SOHLH1: variants seen among roughly 807,000 people sequenced by gnomAD.
SOHLH1 encodes spermatogenesis- and oogenesis-specific basic helix-loop-helix-containing protein 1.
A neutral mutation model predicts 36.2 loss-of-function variants in SOHLH1; 23 were observed. That is an observed-to-expected ratio of 0.64 (90% CI 0.46 to 0.90). The LOEUF (loss-of-function observed/expected upper bound fraction) is 0.90, where lower values mean the gene tolerates loss of function less well. Ranked by LOEUF, SOHLH1 falls within the 40% of genes least tolerant of loss-of-function variation. The pLI is 0.00. For missense variants in SOHLH1, 608 were observed against 517.0 expected, an observed-to-expected ratio of 1.18 and a Z score of -1.71; for synonymous variants, 289 against 228.3, an observed-to-expected ratio of 1.27 and a Z score of -2.40.
intron 3 of SOHLH1, 136 bp from the exon 4 acceptor site, chr9:135,697,763 A>C: frequency 9.3e-7 from 1 of 1,071,154 alleles, no homozygotes; most frequent in Non-Finnish European, 1.4e-6. Flanking sequence ...TGGGGGCGAG[A>C]GTACAGGTTG....
At chr9:135,694,091 A>C (rs992242212) in intron 7 of SOHLH1, 41 of 1,428,132 alleles carry the variant, frequency 2.9e-5, no homozygotes, top group Non-Finnish European at 3.7e-5. Context: ...GCCGGCCAGC[A>C]CGGGCTGGAC....
intron 4 of SOHLH1, 64 bp downstream of exon 4, chr9:135,697,442 G>A (rs1473330361): frequency 1.3e-5 from 21 of 1,585,110 alleles, no homozygotes; most frequent in Admixed American, 1.2e-4. Context: ...CATGCCAGGG[G>A]GCTTTGGGTC....
Position 135,699,102 on chromosome 9 carries a change from GGA to G in SOHLH1, c.88_89del (p.Ser30LeufsTer44). The G allele has an allele frequency of 5.6e-6, 9 of 1,607,286 alleles. No individual in the cohort carries two copies. Among genetic ancestry groups the G allele is most frequent in the Non-Finnish European group, 7.6e-6 (9 of 1,178,796 alleles). The stretch of plus-strand genomic sequence containing the variant: ...AGCCCCGGGCCGAGTCCTCGCAGCA[GGA>G]GAGGGCACCAGACAGGGAGCCGCTG... Reference protein sequence around the residue: ...GCNGSLSGALSCCEDSARGSG... With the variant: ...GCNGSLSGALXCCEDSARGSG... On this transcript the variant is annotated frameshift_variant, in exon 2 of 8. Coordinates refer to ENST00000425225, the MANE Select transcript of SOHLH1 (RefSeq NM_001101677.2). LOFTEE classifies it high-confidence loss of function.
Position 135,693,643 on chromosome 9 carries a change from A to G in SOHLH1, c.1118T>C (p.Leu373Pro). The change falls in exon 8 of 8, where the codon CTG (leucine) becomes CCG (proline). Residue 373 changes from leucine (L) to proline (P), a missense_variant. Coordinates refer to ENST00000425225, the MANE Select transcript of SOHLH1 (RefSeq NM_001101677.2). ...GAAGATGCTCTCCACCTCGTCCTTC[A>G]GGGCCAGGCCTGCACAGTCCACATC... ...GLDVDCAGLALKDEVESIFPD... is the reference protein window; with the variant it reads ...GLDVDCAGLAPKDEVESIFPD... 6.3e-7 allele frequency: 1 copy of G among 1,587,280 alleles called. No individual in the cohort carries two copies. The highest frequency in any genetic ancestry group is 8.6e-7 in the Non-Finnish European group (1 of 1,167,170).
chr9:135,694,054 C>T (rs963841310), intron 7 of SOHLH1: 11 of 1,426,318 alleles, frequency 7.7e-6, no homozygotes, highest in Admixed American at 2.9e-5. Flanking sequence ...AATGGACACA[C>T]GCCATGTCAC....
Position 135,699,121 on chromosome 9 carries a change from G to A in SOHLH1, c.71C>T (p.Ser24Phe), listed in dbSNP as rs758781451. Residue 24 changes from serine to phenylalanine, a missense_variant, in exon 2 of 8, where the codon TCC (serine) becomes TTC (phenylalanine). Physicochemically the swap from Ser to Phe is radical, Grantham distance 155. Coordinates refer to ENST00000425225, the MANE Select transcript of SOHLH1 (RefSeq NM_001101677.2). ...RIPTVRGCNG[S>F]LSGALSCCED... Reference sequence around the variant, plus strand: ...GCAGCAGGAGAGGGCACCAGACAGGGAGCCGCTGCCGAGAAAGCCAAGAGC... The same window carrying A: ...GCAGCAGGAGAGGGCACCAGACAGGAAGCCGCTGCCGAGAAAGCCAAGAGC... The A allele has an allele frequency of 1.2e-6, 2 of 1,600,466 alleles. No homozygotes were observed. Among genetic ancestry groups the A allele is most frequent in the Non-Finnish European group, 1.7e-6 (2 of 1,176,272 alleles).
chr9:135,694,186 G>C (rs1017144337), intron 7 of SOHLH1: 1 of 1,439,748 alleles, frequency 6.9e-7, no homozygotes, highest in African/African-American at 1.4e-5. Flanking sequence ...TCCACATCAC[G>C]TTCACTCACA....
intron 5 of SOHLH1, among the ~76,000 whole-genome samples, chr9:135,696,098 G>C (rs545370183): frequency 6.6e-6 from 1 of 152,036 alleles, no homozygotes; most frequent in East Asian, 1.9e-4. Context: ...CACAGACCCA[G>C]GACAGAACCA....
rs762342164 is a variant in SOHLH1, at chr9:135,694,445, C to A, written c.888G>T (p.Gly296=). 6.2e-7 allele frequency: 1 copy of A among 1,613,174 alleles called. No homozygotes were observed. Among genetic ancestry groups the A allele is most frequent in the Non-Finnish European group, 8.5e-7 (1 of 1,180,010 alleles). ...MLAQEAGSAL[G]SDVDDGTSFL... is the part of the protein sequence containing the mutation. ...AGGACGTCCCATCGTCCACATCAGA[C>A]CCCAACGCAGACCTGGAAGCGACAA... Residue 296 remains glycine (G), a synonymous_variant, in exon 7 of 8, where the codon GGG becomes GGT. Coordinates refer to ENST00000425225, the MANE Select transcript of SOHLH1 (RefSeq NM_001101677.2).
chr9:135,693,464 C>G lies in SOHLH1; in HGVS notation c.*133G>C, dbSNP rs576693506. ...TTTAATATTCACTATCCTCTTCTCA[C>G]AGCCTGTAAGCCTCGCTCAAATTAG... On this transcript the variant is annotated 3_prime_UTR_variant, in exon 8 of 8. Transcript: ENST00000425225. 21 of 1,258,168 alleles carry G rather than the reference C, an allele frequency of 1.7e-5. No individual in the cohort carries two copies. In the South Asian group the frequency reaches 2.4e-4, roughly 14 times the overall value. The allele number at this position is 1,258,168 out of a possible 1,614,324, so 77.9% of individuals were successfully genotyped here.
chr9:135,697,507 G>T lies in SOHLH1; in HGVS notation c.466C>A (p.Arg156=). The T allele has an allele frequency of 6.2e-7, 1 of 1,609,920 alleles. No homozygotes were observed. Among genetic ancestry groups the T allele is most frequent in the Non-Finnish European group, 8.5e-7 (1 of 1,179,220 alleles). ...GAGCGGGCCCCAGGAGACACTAACC[G>T]AGTCCCGCTGGACGCTCCCGTCCCA... is the stretch of plus-strand genomic sequence containing the variant. The part of the protein sequence containing the change: ...DPGTGASSGT[R]TPDVKAFLES... The change falls in exon 4 of 8, where the codon CGA becomes AGA. Residue 156 remains arginine, a splice_region_variant and synonymous_variant. Transcript: ENST00000425225.
In SOHLH1 at chr9:135,697,612, T is replaced by G. The variant is rs1312515800; in HGVS notation, c.361A>C (p.Lys121Gln). The change falls in exon 4 of 8, where the codon AAG becomes CAG. Residue 121 changes from lysine (K) to glutamine (Q), a missense_variant. Lys to Gln is a moderately conservative substitution (Grantham distance 53). Transcript: ENST00000425225. The stretch of plus-strand genomic sequence containing the variant: ...TCCTGCAACGAGTGCCACATTTCCT[T>G]GGAGGAAGCAAGAATCTGAAATTTA... ...QEQHAILASS[K>Q]EMWHSLQEDV... 3 of 1,611,688 alleles carry G rather than the reference T, an allele frequency of 1.9e-6. No homozygotes were observed. The East Asian group carries it at 6.7e-5, about 36-fold the overall frequency.
Position 135,698,319 on chromosome 9 carries a change from T to C in SOHLH1, c.345+10A>G. On this transcript the variant is annotated intron_variant, in intron 3 of 7. Coordinates refer to ENST00000425225, the MANE Select transcript of SOHLH1 (RefSeq NM_001101677.2). ...CCGGAGGACTGACGGCGTCTACCCT[T>C]ACAACTCACAGCGTGCTGCTCCTGA... is the stretch of plus-strand genomic sequence containing the variant. 1 of 1,612,914 alleles carries C rather than the reference T, an allele frequency of 6.2e-7. No individual in the cohort carries two copies. The highest frequency in any genetic ancestry group is 8.5e-7 in the Non-Finnish European group (1 of 1,180,008).
chr9:135,701,656 T>C (rs1472870041), upstream of SOHLH1, among the ~76,000 whole-genome samples: 1 of 143,748 alleles, frequency 7.0e-6, no homozygotes, highest in African/African-American at 2.5e-5. Flanking sequence ...GTCATCCCCC[T>C]CCCCCAGGCC....
chr9:135,694,423 A>G lies in SOHLH1; in HGVS notation c.910T>C (p.Ser304Pro), dbSNP rs769510567. 3 of 1,613,236 alleles carry G rather than the reference A, an allele frequency of 1.9e-6. No individual in the cohort carries two copies. The South Asian group carries it at 3.3e-5, about 18-fold the overall frequency. Reference protein sequence around the residue: ...ALGSDVDDGTSFLLTAGPSSW... With the variant: ...ALGSDVDDGTPFLLTAGPSSW... The stretch of plus-strand genomic sequence containing the variant: ...CTGGGACCAGCAGTCAGCAGGAAGG[A>G]CGTCCCATCGTCCACATCAGACCCC... Residue 304 changes from serine to proline, a missense_variant, in exon 7 of 8, where the codon TCC becomes CCC. Transcript: ENST00000425225.
chr9:135,694,241 C>T (rs1267297738), intron 7 of SOHLH1, 146 bp downstream of exon 7: 4 of 1,499,338 alleles, frequency 2.7e-6, no homozygotes, highest in Admixed American at 2.2e-5. Flanking sequence ...CACGGCCCAA[C>T]AGCTAAGCAC....
chr9:135,694,226 C>G (rs1265893807), intron 7 of SOHLH1, 161 bp downstream of exon 7: 36 of 1,475,896 alleles, frequency 2.4e-5, no homozygotes, highest in Non-Finnish European at 3.1e-5. Context: ...ACGCTCAATA[C>G]CAGACACGGC....
At chr9:135,700,642 T>C (rs1834998547), upstream of SOHLH1, among the ~76,000 whole-genome samples, 2 of 152,160 alleles carry the variant, frequency 1.3e-5, no homozygotes, top group Non-Finnish European at 2.9e-5. Context: ...GCTCTGGGCC[T>C]CGGGCTGGCA....
Position 135,693,678 on chromosome 9 carries a change from C to A in SOHLH1, c.1083G>T (p.Pro361=), listed in dbSNP as rs370957447. The change falls in exon 8 of 8, where the codon CCG becomes CCT. Residue 361 remains proline, a synonymous_variant. Transcript: ENST00000425225. The stretch of plus-strand genomic sequence containing the variant: ...CTGCACAGTCCACATCCAGGCCCCA[C>A]GGCTCCAGAGGGCTGTCCTGGAGCT... The part of the protein sequence containing the change: ...SQELQDSPLE[P]WGLDVDCAGL... 1.3e-6 allele frequency: 2 copies of A among 1,583,112 alleles called. No homozygotes were observed. The highest frequency in any genetic ancestry group is 2.7e-5 in the African/African-American group (2 of 74,130).
Sources: gnomAD v4.1 joint callset for allele counts (sites outside exome capture counted in the v4.1 genomes callset) on GRCh38, gnomAD v4.1.1 for gene constraint, MANE v1.5 for transcripts, NCBI Gene and HGNC (gene_info 2026-07-23, HGNC 2026-07-21) for gene names.